Variants in NFE2L1 observed in about 807,000 individuals in gnomAD.
NFE2L1 encodes endoplasmic reticulum membrane sensor NFE2L1.
In NFE2L1, 18 loss-of-function variants were observed where a neutral mutation model predicts 61.6. That is an observed-to-expected ratio of 0.29 (90% CI 0.20 to 0.43). NFE2L1 has a LOEUF of 0.43. Ranked by LOEUF, NFE2L1 falls within the 20% of genes least tolerant of loss-of-function variation. The probability of loss-of-function intolerance (pLI) is 1.00; values close to 1 mark genes in which losing one functional copy is unlikely to be tolerated. For missense variants in NFE2L1, 827 were observed against 973.5 expected, an observed-to-expected ratio of 0.85 and a Z score of 2.00; for synonymous variants, 419 against 402.7, an observed-to-expected ratio of 1.04 and a Z score of -0.48.
rs2037248875 is a variant in NFE2L1 at position 48,051,473 on chromosome 17, A to G, written c.355A>G (p.Asn119Asp). The G allele has an allele frequency of 6.2e-7, 1 of 1,613,928 alleles. No individual in the cohort carries two copies. The highest frequency in any genetic ancestry group is 8.5e-7 in the Non-Finnish European group (1 of 1,180,030). The change falls in exon 2 of 6, where the codon AAC becomes GAC. Residue 119 changes from asparagine (N) to aspartate (D), a missense_variant. Physicochemically the swap from Asn to Asp is conservative, Grantham distance 23. This residue lies in a region of NFE2L1 where 667 missense variants were observed against 748.4 expected (regional missense o/e 0.89). Transcript: ENST00000362042. Reference protein sequence around the residue: ...PEGSVSGSQPNSGLALESSSG... With the variant: ...PEGSVSGSQPDSGLALESSSG... ...GGGGTCTGTCTCTGGCAGTCAGCCC[A>G]ACTCAGGCCTCGCCCTCGAGAGTTC...
chr17:48,058,148 G>GAA, intron 5 of NFE2L1, 147 bp from the exon 6 acceptor site: 7 of 1,127,136 alleles, frequency 6.2e-6, no homozygotes, highest in South Asian at 6.2e-5. Flanking sequence ...GACGAAGCTG[G>GAA]GTCAGGAGCT....
In NFE2L1 at chr17:48,057,059, C is replaced by G. The variant is rs780912083; in HGVS notation, c.751C>G (p.Leu251Val). ...QVPSGEDQTA[L>V]SLEECLRLLE... is the part of the protein sequence containing the mutation. ...GCCTAGTGGGGAGGACCAGACGGCC[C>G]TGTCCCTGGAAGAGTGCCTTAGGCT... Residue 251 changes from leucine (L) to valine (V), a missense_variant, in exon 4 of 6, where the codon CTG becomes GTG. Leu to Val is a conservative substitution (Grantham distance 32). This residue lies in a region of NFE2L1 where 667 missense variants were observed against 748.4 expected (regional missense o/e 0.89). Transcript: ENST00000362042. The G allele has an allele frequency of 6.2e-7, 1 of 1,613,962 alleles. No individual in the cohort carries two copies. Among genetic ancestry groups the G allele is most frequent in the South Asian group, 1.1e-5 (1 of 91,064 alleles).
At chr17:48,049,864 G>A (rs187467016) in intron 1 of NFE2L1, among the ~76,000 whole-genome samples, 10 of 152,276 alleles carry the variant, frequency 6.6e-5, no homozygotes, top group African/African-American at 2.2e-4. Flanking sequence ...CAACTGTTAT[G>A]GGTGGTTTTC....
chr17:48,059,260 G>T lies in NFE2L1; in HGVS notation c.1938G>T (p.Gln646His). The part of the protein sequence containing the change: ...EEFNELLSKY[Q>H]LSEAQLSLIR... ...TCAATGAACTGCTGTCCAAATACCA[G>T]TTGAGTGAAGCCCAGCTGAGCCTCA... The change falls in exon 6 of 6, where the codon CAG becomes CAT. Residue 646 changes from glutamine to histidine, a missense_variant. Gln to His is a conservative substitution (Grantham distance 24). Transcript: ENST00000362042. The surrounding 1 kb of genome is among the most constrained non-coding windows in gnomAD (Gnocchi z 6.1). 2 of 1,614,222 alleles carry T rather than the reference G, an allele frequency of 1.2e-6. No homozygotes were observed. The highest frequency in any genetic ancestry group is 8.5e-7 in the Non-Finnish European group (1 of 1,180,048).
Position 48,054,600 on chromosome 17 carries a change from G to A in NFE2L1, c.511-1786G>A, listed in dbSNP as rs1314603296. 4.1e-6 allele frequency: 5 copies of A among 1,232,590 alleles called. No homozygotes were observed. In the East Asian group the frequency reaches 1.6e-4, roughly 39 times the overall value. The allele number at this position is 1,232,590 out of a possible 1,614,324, so 76.4% of individuals were successfully genotyped here. A position where few individuals can be genotyped will look rare whatever the true frequency, so the allele number is the denominator to read the frequency against. Reference sequence around the variant, plus strand: ...TGCAGCCTCAGCAGTGACCTGCGGGGTGGGAGGGGGTGGGGATTGGCTCCC... The same window carrying A: ...TGCAGCCTCAGCAGTGACCTGCGGGATGGGAGGGGGTGGGGATTGGCTCCC... On this transcript the variant is annotated intron_variant, in intron 2 of 5. Transcript: ENST00000362042.
In NFE2L1 at chr17:48,058,657, T is replaced by G; in HGVS notation, c.1335T>G (p.Ala445=). The change falls in exon 6 of 6, where the codon GCT becomes GCG. Residue 445 remains alanine, a synonymous_variant. Transcript: ENST00000362042. ...PDPLGGLLDE[A]MLDEISLMDL... ...CTTTGGGGGGTCTGTTAGATGAAGC[T>G]ATGTTGGATGAGATCAGCCTTATGG... The G allele has an allele frequency of 6.2e-7, 1 of 1,614,162 alleles. No homozygotes were observed. The highest frequency in any genetic ancestry group is 8.5e-7 in the Non-Finnish European group (1 of 1,180,042).
In NFE2L1 at chr17:48,048,381, G is replaced by T. The variant is rs767662846; in HGVS notation, c.-594G>T. The stretch of plus-strand genomic sequence containing the variant: ...GGTAAGCGGAGGCTCCGAGCTCTAG[G>T]CCGGCCGGCGGTGGCGGCGGCGAGG... On this transcript the variant is annotated 5_prime_UTR_variant, in exon 1 of 6. Transcript: ENST00000362042. 1 of 153,040 alleles carries T rather than the reference G, an allele frequency of 6.5e-6. No homozygotes were observed. The highest frequency in any genetic ancestry group is 1.9e-4 in the East Asian group (1 of 5,226). The allele number at this position is 153,040 out of a possible 1,614,324, so 9.5% of individuals were successfully genotyped here. A position where few individuals can be genotyped will look rare whatever the true frequency, so the allele number is the denominator to read the frequency against.
At position 48,050,952 on chromosome 17, in the gene NFE2L1, C is replaced by T; in HGVS notation, c.-167C>T. On this transcript the variant is annotated 5_prime_UTR_variant, in exon 2 of 6. Transcript: ENST00000362042. Reference sequence around the variant, plus strand: ...GCCTTGGCTCCACAGGGTGTGCTTTCCTCTGGGGCCGTCAGGGAGCTCATC... The same window carrying T: ...GCCTTGGCTCCACAGGGTGTGCTTTTCTCTGGGGCCGTCAGGGAGCTCATC... 3.9e-6 allele frequency: 3 copies of T among 766,438 alleles called. No individual in the cohort carries two copies. Among genetic ancestry groups the T allele is most frequent in the Non-Finnish European group, 6.4e-6 (3 of 470,746 alleles). 47.5% of individuals were successfully genotyped at this position (766,438 alleles called of 1,614,324 possible). A position where few individuals can be genotyped will look rare whatever the true frequency, so the allele number is the denominator to read the frequency against.
chr17:48,052,439 G>T (rs989980722), intron 2 of NFE2L1, among the ~76,000 whole-genome samples: 3 of 152,130 alleles, frequency 2.0e-5, no homozygotes, highest in African/African-American at 7.2e-5. Context: ...GCCTTAAGTA[G>T]CCGGGAAAGA....
chr17:48,056,176 C>CTT, intron 2 of NFE2L1: 6 of 620,366 alleles, frequency 9.7e-6, no homozygotes, highest in South Asian at 1.9e-5. Context: ...GCTAGTGGCT[C>CTT]TTTTTTTTTG....
At position 48,059,387 on chromosome 17, in the gene NFE2L1, C is replaced by G; in HGVS notation, c.2065C>G (p.Leu689Val). The change falls in exon 6 of 6, where the codon CTG becomes GTG. Residue 689 changes from leucine (L) to valine (V), a missense_variant. This residue lies in a region of NFE2L1 where 74 missense variants were observed against 127.8 expected (regional missense o/e 0.58). Coordinates refer to ENST00000362042, the MANE Select transcript of NFE2L1 (RefSeq NM_003204.3). The surrounding 1 kb of genome is among the most constrained non-coding windows in gnomAD (Gnocchi z 6.1). Reference sequence around the variant, plus strand: ...GAATCTGGAGCGTGATGTGGAGGACCTGCAGCGTGACAAAGCCCGGCTGCT... The same window carrying G: ...GAATCTGGAGCGTGATGTGGAGGACGTGCAGCGTGACAAAGCCCGGCTGCT... ...ILNLERDVEDLQRDKARLLRE... is the reference protein window; with the variant it reads ...ILNLERDVEDVQRDKARLLRE... 6.2e-7 allele frequency: 1 copy of G among 1,614,206 alleles called. No homozygotes were observed.
In NFE2L1 at chr17:48,051,015, C is replaced by A; in HGVS notation, c.-104C>A. On this transcript the variant is annotated 5_prime_UTR_variant, in exon 2 of 6. It adds an upstream start codon to the 5' untranslated region. Coordinates refer to ENST00000362042, the MANE Select transcript of NFE2L1 (RefSeq NM_003204.3). The stretch of plus-strand genomic sequence containing the variant: ...CCAGGGTGGGGTACGGGGTTTGACA[C>A]TGAGGAGGGTAACCTGCTGGCTGGA... 1 of 1,437,504 alleles carries A rather than the reference C, an allele frequency of 7.0e-7. No homozygotes were observed. Among genetic ancestry groups the A allele is most frequent in the Non-Finnish European group, 9.6e-7 (1 of 1,041,090 alleles). The allele number at this position is 1,437,504 out of a possible 1,614,324, so 89.0% of individuals were successfully genotyped here.
rs748549271 is a variant in NFE2L1, at chr17:48,058,887, G to T, written c.1565G>T (p.Gly522Val). The change falls in exon 6 of 6, where the codon GGT (glycine) becomes GTT (valine). Residue 522 changes from glycine (G) to valine (V), a missense_variant. Physicochemically the swap from Gly to Val is moderately radical, Grantham distance 109. Transcript: ENST00000362042. ...SSASSSFSEE[G>V]AVGYSSDSET... ...GCCTCTTCCTCCTTTTCTGAGGAAGGTGCGGTTGGCTACAGCTCTGACTCT... is the reference window on the plus strand; with the variant it reads ...GCCTCTTCCTCCTTTTCTGAGGAAGTTGCGGTTGGCTACAGCTCTGACTCT... 6.2e-7 allele frequency: 1 copy of T among 1,613,708 alleles called. No homozygotes were observed. The highest frequency in any genetic ancestry group is 8.5e-7 in the Non-Finnish European group (1 of 1,180,028).
intron 5 of NFE2L1, among the ~76,000 whole-genome samples, chr17:48,057,751 T>C (rs1043930631): frequency 1.3e-5 from 2 of 152,222 alleles, no homozygotes; most frequent in African/African-American, 4.8e-5. Flanking sequence ...TGGGTGTGCC[T>C]TCTTCCTTTC....
At chr17:48,057,628 C>G (rs1216070780) in intron 5 of NFE2L1, 126 bp downstream of exon 5, 5 of 1,251,862 alleles carry the variant, frequency 4.0e-6, no homozygotes, top group African/African-American at 1.5e-5. Flanking sequence ...GAAGTGGGGA[C>G]AATGAGAAGA....
intron 3 of NFE2L1, among the ~76,000 whole-genome samples, chr17:48,056,822 T>C (rs1263752621): frequency 6.6e-6 from 1 of 152,192 alleles, no homozygotes; most frequent in Admixed American, 6.5e-5. Flanking sequence ...CAACAGACAG[T>C]GCAAGGGAGG....
chr17:48,055,116 C>A, intron 2 of NFE2L1: 1 of 1,433,574 alleles, frequency 7.0e-7, no homozygotes. Flanking sequence ...GTGGCCCAGC[C>A]CGCCTCTGCT....
chr17:48,055,096 T>A, intron 2 of NFE2L1: 1 of 1,456,196 alleles, frequency 6.9e-7, no homozygotes, highest in Non-Finnish European at 9.0e-7. Context: ...CTTTGCTGGC[T>A]GGTCACCGGG....
At chr17:48,054,738 TCC>T in intron 2 of NFE2L1, 1 of 1,273,358 alleles carries the variant, frequency 7.9e-7, no homozygotes, top group Admixed American at 4.1e-5. Flanking sequence ...GGGGTGGGAG[TCC>T]CATCTCACTG....
Sources: allele counts gnomAD v4.1 joint callset (sites outside exome capture counted in the v4.1 genomes callset), GRCh38; gene constraint gnomAD v4.1.1; regional missense constraint gnomAD v4.1.1; non-coding constraint Gnocchi (gnomAD v3.1); transcripts MANE v1.5; gene names NCBI Gene and HGNC (gene_info 2026-07-23, HGNC 2026-07-21).